The following PITPNC1 variants were observed in gnomAD, a reference collection of about 807,000 sequenced individuals.
PITPNC1 encodes the protein cytoplasmic phosphatidylinositol transfer protein 1.
A neutral mutation model predicts 44.7 loss-of-function variants in PITPNC1; 18 were observed. The observed-to-expected ratio is 0.40, with a 90% CI of 0.28 to 0.60. PITPNC1 has a LOEUF of 0.60. PITPNC1 is among the 20% of genes least tolerant of loss of function. PITPNC1 has a pLI of 0.39. For missense variants in PITPNC1, 290 were observed against 418.4 expected, an observed-to-expected ratio of 0.69 and a Z score of 2.68; for synonymous variants, 141 against 149.6, an observed-to-expected ratio of 0.94 and a Z score of 0.42.
chr17:67,690,448 CAAAAAAA>C (rs58085156), intron 8 of PITPNC1, among the ~76,000 whole-genome samples: 3 of 113,400 alleles, frequency 2.6e-5, no homozygotes, highest in East Asian at 2.5e-4. Flanking sequence ...AACTCTGTCT[CAAAAAAA>C]AAAAAAAAGA....
intron 8 of PITPNC1, among the ~76,000 whole-genome samples, chr17:67,691,282 T>C (rs998009953): frequency 1.3e-5 from 2 of 152,212 alleles, no homozygotes; most frequent in African/African-American, 4.8e-5. Context: ...GTATGTATAA[T>C]ACATTAAACA....
chr17:67,621,180 CATTTTATTTTATTTTATTTT>C (rs10653389), intron 5 of PITPNC1, among the ~76,000 whole-genome samples: 5 of 129,774 alleles, frequency 3.9e-5, no homozygotes, highest in African/African-American at 5.6e-5. Context: ...GTCTGAAGCA[CATTTTATTTTATTTTATTTT>C]ATTTTATTTT....
intron 1 of PITPNC1, among the ~76,000 whole-genome samples, chr17:67,407,339 G>C (rs572922081): frequency 6.6e-6 from 1 of 152,136 alleles, no homozygotes; most frequent in African/African-American, 2.4e-5. Flanking sequence ...CCTTTGTCTA[G>C]TTTTCAGTTG....
At chr17:67,572,472 G>T (rs1314194650) in intron 4 of PITPNC1, among the ~76,000 whole-genome samples, 1 of 116,650 alleles carries the variant, frequency 8.6e-6, no homozygotes, top group African/African-American at 3.1e-5. Flanking sequence ...GTAAAGCGGG[G>T]GGGGGGGGTA....
intron 3 of PITPNC1, among the ~76,000 whole-genome samples, chr17:67,552,644 G>A (rs919375169): frequency 6.6e-6 from 1 of 152,022 alleles, no homozygotes; most frequent in African/African-American, 2.4e-5. Flanking sequence ...ACTTTGGGAG[G>A]CCGAGGCAGG....
At chr17:67,521,154 A>G (rs2144107406) in intron 1 of PITPNC1, among the ~76,000 whole-genome samples, 1 of 152,264 alleles carries the variant, frequency 6.6e-6, no homozygotes, top group South Asian at 2.1e-4. Context: ...TTGTGCTGGT[A>G]CCAGCAGGAA....
intron 1 of PITPNC1, among the ~76,000 whole-genome samples, chr17:67,428,156 G>C (rs1038462772): frequency 6.6e-6 from 1 of 152,034 alleles, no homozygotes. Context: ...CACTGTGCCA[G>C]GCTCAGTCTT....
Position 67,694,415 on chromosome 17 carries a change from A to T in PITPNC1, c.*1527A>T, listed in dbSNP as rs1302191443. On this transcript the variant is annotated 3_prime_UTR_variant, in exon 9 of 9. Coordinates refer to ENST00000581322, the MANE Select transcript of PITPNC1 (RefSeq NM_012417.4). ...AAGGAAACAAAATAGACCAAGGAGC[A>T]TAATCTGCTTCTCTCACACAGCCTC... 6.6e-6 allele frequency: 1 copy of T among 152,498 alleles called. No homozygotes were observed. Among genetic ancestry groups the T allele is most frequent in the African/African-American group, 2.4e-5 (1 of 41,476 alleles). 9.4% of individuals were successfully genotyped at this position (152,498 alleles called of 1,614,324 possible). A position where few individuals can be genotyped will look rare whatever the true frequency, so the allele number is the denominator to read the frequency against.
Position 67,680,857 on chromosome 17 carries a change from G to A in PITPNC1, c.682+5315G>A, listed in dbSNP as rs1313479077. On this transcript the variant is annotated intron_variant, in intron 8 of 8. Transcript: ENST00000581322. ...TATCCATTCTTATTTATGATTTCTG[G>A]GGCCTCCCTGACCCAACTACTTGTT... 2.0e-5 allele frequency among the ~76,000 whole-genome samples: 3 copies of A among 152,138 alleles called. No individual in the cohort carries two copies. The East Asian group carries it at 5.8e-4, about 29-fold the overall frequency.
chr17:67,683,190 G>C (rs1393239794), intron 8 of PITPNC1, among the ~76,000 whole-genome samples: 6 of 135,290 alleles, frequency 4.4e-5, no homozygotes, highest in Non-Finnish European at 9.4e-5. Context: ...AAAAAAAAGA[G>C]TTGATACACA....
At chr17:67,434,615 A>G (rs2038905269) in intron 1 of PITPNC1, among the ~76,000 whole-genome samples, 2 of 152,102 alleles carry the variant, frequency 1.3e-5, no homozygotes, top group Non-Finnish European at 2.9e-5. Context: ...GTTCAAGACC[A>G]GCCTGGCCAA....
intron 1 of PITPNC1, among the ~76,000 whole-genome samples, chr17:67,421,811 T>C (rs758331723): frequency 6.6e-6 from 1 of 152,194 alleles, no homozygotes; most frequent in Non-Finnish European, 1.5e-5. Flanking sequence ...AGAATCTGTT[T>C]ATTTAGTAAA....
At chr17:67,382,047 C>T (rs2037969139) in intron 1 of PITPNC1, among the ~76,000 whole-genome samples, 1 of 152,204 alleles carries the variant, frequency 6.6e-6, no homozygotes, top group African/African-American at 2.4e-5. Context: ...AGAAGGAGAG[C>T]ATGGTGAAAC....
chr17:67,544,812 G>C (rs911061705), intron 2 of PITPNC1, among the ~76,000 whole-genome samples: 12 of 152,114 alleles, frequency 7.9e-5, no homozygotes, highest in Admixed American at 2.6e-4. Flanking sequence ...TCTGCTTCCT[G>C]TTCTCCCAGA....
At chr17:67,427,005 A>G (rs1032790669) in intron 1 of PITPNC1, among the ~76,000 whole-genome samples, 9 of 152,234 alleles carry the variant, frequency 5.9e-5, no homozygotes, top group South Asian at 2.1e-4. Context: ...TGCAGCAAAC[A>G]TAAGTTTTGA....
At chr17:67,560,388 A>G (rs2040890663) in intron 4 of PITPNC1, among the ~76,000 whole-genome samples, 2 of 152,244 alleles carry the variant, frequency 1.3e-5, no homozygotes, top group Non-Finnish European at 2.9e-5. Context: ...TTTTTGAAGA[A>G]TGCCCAACAG....
chr17:67,484,138 G>A lies in PITPNC1; in HGVS notation c.49-48664G>A, dbSNP rs924907587. Among the ~76,000 whole-genome samples, 102 of 151,964 alleles carry A rather than the reference G, an allele frequency of 6.7e-4. 1 individual carries two copies. The highest frequency in any genetic ancestry group is 6.8e-3 in the Middle Eastern group (2 of 294). On this transcript the variant is annotated intron_variant, in intron 1 of 8. Coordinates refer to ENST00000581322, the MANE Select transcript of PITPNC1 (RefSeq NM_012417.4). ...TCTCCATGTTGGTTAGGCTGGTCTC[G>A]AACTCCCCACCTCAGATGATCCGCC...
At chr17:67,519,855 C>T (rs1017192750) in intron 1 of PITPNC1, among the ~76,000 whole-genome samples, 1 of 152,194 alleles carries the variant, frequency 6.6e-6, no homozygotes, top group African/African-American at 2.4e-5. Context: ...AACCACTTGC[C>T]AAGCCAGTCA....
intron 1 of PITPNC1, among the ~76,000 whole-genome samples, chr17:67,409,569 A>G (rs1271165698): frequency 2.7e-5 from 4 of 148,424 alleles, no homozygotes; most frequent in Non-Finnish European, 5.9e-5. Context: ...GCGGAGTTTC[A>G]CTCTTGTTGC....
Sources: gnomAD v4.1 joint callset for allele counts (sites outside exome capture counted in the v4.1 genomes callset) on GRCh38, gnomAD v4.1.1 for gene constraint, MANE v1.5 for transcripts, NCBI Gene and HGNC (gene_info 2026-07-23, HGNC 2026-07-21) for gene names.